SCHIP1: variants seen among roughly 807,000 people sequenced by gnomAD.
SCHIP1 encodes schwannomin-interacting protein 1.
Under a neutral mutation model 29.7 loss-of-function variants are expected in SCHIP1, and 8 were observed. The ratio of observed to expected loss-of-function variants is 0.27; its 90% confidence interval spans 0.16 to 0.49. The LOEUF (loss-of-function observed/expected upper bound fraction) is 0.49. Among genes scored for constraint, SCHIP1 ranks in the 20% least tolerant of loss-of-function variants. SCHIP1 has a pLI of 0.99. For synonymous variants in SCHIP1, 76 were observed against 94.9 expected, an observed-to-expected ratio of 0.80 and a Z score of 1.16; for missense variants, 193 against 294.6, an observed-to-expected ratio of 0.66 and a Z score of 2.52.
the SCHIP1 span, among the ~76,000 whole-genome samples, chr3:159,512,654 T>A: frequency 6.6e-6 from 1 of 152,208 alleles, no homozygotes; most frequent in Non-Finnish European, 1.5e-5. Flanking sequence ...AACACGAACA[T>A]CATGGAGAAT....
chr3:159,445,072 C>A, the SCHIP1 span, among the ~76,000 whole-genome samples: 5 of 151,940 alleles, frequency 3.3e-5, no homozygotes, highest in Non-Finnish European at 5.9e-5. Flanking sequence ...AAGGAACTAC[C>A]ATCAGAGTGA....
At chr3:159,295,406 G>T in the SCHIP1 span, among the ~76,000 whole-genome samples, 1 of 152,042 alleles carries the variant, frequency 6.6e-6, no homozygotes, top group Non-Finnish European at 1.5e-5. Flanking sequence ...TCCAGCCTGG[G>T]TGACAGAGCG....
In SCHIP1 at chr3:159,843,001, C is replaced by CTTTTTTTTTTTTTTTTTTTTTTTTTTT. The variant is rs566940351; in HGVS notation, c.30+2789_30+2815dup. Among the ~76,000 whole-genome samples, 58 of 63,726 alleles carry CTTTTTTTTTTTTTTTTTTTTTTTTTTT rather than the reference C, an allele frequency of 9.1e-4. 13 individuals are homozygous for CTTTTTTTTTTTTTTTTTTTTTTTTTTT. Among genetic ancestry groups the CTTTTTTTTTTTTTTTTTTTTTTTTTTT allele is most frequent in the South Asian group, 2.7e-3 (3 of 1,122 alleles). 41.8% of individuals were successfully genotyped at this position (63,726 alleles called of 152,430 possible). A position where few individuals can be genotyped will look rare whatever the true frequency, so the allele number is the denominator to read the frequency against. On this transcript the variant is annotated intron_variant, in intron 1 of 6. Coordinates refer to ENST00000445224, the Ensembl canonical transcript of SCHIP1. ...TCCAGTTCTATCCCAATATTTCTTT[C>CTTTTTTTTTTTTTTTTTTTTTTTTTTT]TTTTTTTTTTTTTTTTTTTTTTTTT...
At chr3:159,508,846 T>C in the SCHIP1 span, among the ~76,000 whole-genome samples, 1 of 152,216 alleles carries the variant, frequency 6.6e-6, no homozygotes, top group East Asian at 1.9e-4. Context: ...TTTGTTATAA[T>C]TTCTGTTCTT....
At chr3:159,383,054 G>A in the SCHIP1 span, among the ~76,000 whole-genome samples, 1 of 149,688 alleles carries the variant, frequency 6.7e-6, no homozygotes, top group Non-Finnish European at 1.5e-5. Flanking sequence ...CCATTTTGTA[G>A]GTTGCCTGTT....
the SCHIP1 span, among the ~76,000 whole-genome samples, chr3:159,589,506 G>C: frequency 2.0e-5 from 3 of 152,156 alleles, no homozygotes; most frequent in East Asian, 5.8e-4. Context: ...ATGTTGAATA[G>C]GGGTGGTGAG....
At chr3:159,401,704 GT>G in the SCHIP1 span, among the ~76,000 whole-genome samples, 3 of 152,194 alleles carry the variant, frequency 2.0e-5, no homozygotes, top group Admixed American at 1.3e-4. Context: ...TTGCTTTGGT[GT>G]TTTAGACATG....
chr3:159,611,231 G>A, the SCHIP1 span, among the ~76,000 whole-genome samples: 1 of 152,108 alleles, frequency 6.6e-6, no homozygotes, highest in Non-Finnish European at 1.5e-5. Flanking sequence ...CAAGTCCGGG[G>A]AGCCAGGCTT....
chr3:159,836,912 G>A (rs1743717375), upstream of SCHIP1, among the ~76,000 whole-genome samples: 1 of 152,158 alleles, frequency 6.6e-6, no homozygotes, highest in Non-Finnish European at 1.5e-5. Context: ...ATAACACAAA[G>A]TTGTTTCCAA....
At chr3:159,694,452 G>A in the SCHIP1 span, among the ~76,000 whole-genome samples, 188 of 151,750 alleles carry the variant, frequency 1.2e-3, no homozygotes, top group African/African-American at 4.4e-3. Context: ...CTGTGAGACG[G>A]AGGTTACAGT....
chr3:159,467,599 G>A, the SCHIP1 span, among the ~76,000 whole-genome samples: 1 of 151,828 alleles, frequency 6.6e-6, no homozygotes, highest in African/African-American at 2.4e-5. Flanking sequence ...TGAAAAATAG[G>A]AGTACATAAT....
chr3:159,774,641 A>G, the SCHIP1 span, among the ~76,000 whole-genome samples: 1 of 152,324 alleles, frequency 6.6e-6, no homozygotes, highest in Admixed American at 6.5e-5. Flanking sequence ...GGAAAAGCCC[A>G]GGTGGTAGGA....
intron 1 of SCHIP1, chr3:159,853,564 A>G (rs972799805): frequency 3.1e-5 from 16 of 515,450 alleles, no homozygotes; most frequent in Non-Finnish European, 1.7e-5. Flanking sequence ...GGCTATTGCC[A>G]TAATATAGTC....
chr3:159,520,322 C>T, the SCHIP1 span, among the ~76,000 whole-genome samples: 2 of 151,968 alleles, frequency 1.3e-5, no homozygotes, highest in East Asian at 1.9e-4. Flanking sequence ...CGGAGCTTCC[C>T]GGGCAGATGA....
the SCHIP1 span, among the ~76,000 whole-genome samples, chr3:159,519,883 A>C: frequency 6.0e-5 from 9 of 151,036 alleles, no homozygotes; most frequent in Non-Finnish European, 1.2e-4. Context: ...ATATATATAT[A>C]TATGTATGTA....
At chr3:159,873,878 C>G in intron 2 of SCHIP1, among the ~76,000 whole-genome samples, 1 of 152,178 alleles carries the variant, frequency 6.6e-6, no homozygotes, top group East Asian at 1.9e-4. Flanking sequence ...AACATTTTTT[C>G]TATTATTACT....
At chr3:159,302,086 A>G in the SCHIP1 span, among the ~76,000 whole-genome samples, 1 of 152,308 alleles carries the variant, frequency 6.6e-6, no homozygotes, top group East Asian at 1.9e-4. Flanking sequence ...ATCACTTGCA[A>G]ATGCCAACTG....
At chr3:159,402,543 C>A in the SCHIP1 span, among the ~76,000 whole-genome samples, 1,004 of 152,026 alleles carry the variant, frequency 6.6e-3, 9 homozygotes, top group South Asian at 0.032. Context: ...AATGTCCAAA[C>A]ATGATAGACT....
the SCHIP1 span, chr3:159,273,748 C>T: frequency 6.3e-7 from 1 of 1,586,702 alleles, no homozygotes; most frequent in Non-Finnish European, 8.6e-7. Context: ...TGACCCTTTA[C>T]GGATTTCTTT....
Sources: allele counts gnomAD v4.1 joint callset (sites outside exome capture counted in the v4.1 genomes callset), GRCh38; gene constraint gnomAD v4.1.1; transcripts MANE v1.5; gene names NCBI Gene and HGNC (gene_info 2026-07-23, HGNC 2026-07-21).